SOX30: variants seen among roughly 807,000 people sequenced by gnomAD.
SOX30 encodes transcription factor SOX-30.
A neutral mutation model predicts 58.6 loss-of-function variants in SOX30; 17 were observed. The ratio of observed to expected loss-of-function variants is 0.29; its 90% CI spans 0.20 to 0.44. SOX30 has a LOEUF of 0.44. Ranked by LOEUF, SOX30 falls within the 20% of genes least tolerant of loss-of-function variation. SOX30 has a pLI of 1.00. For missense variants in SOX30, 951 were observed against 965.8 expected (o/e 0.98, Z 0.20); for synonymous variants, 421 against 400.2 (o/e 1.05, Z -0.62).
At position 157,635,025 on chromosome 5, in the gene SOX30, T is replaced by C. The variant is rs1472492070; in HGVS notation, c.1880+3205A>G. ...GAGAGAGAATCAATTAATTTTGGCA[T>C]TTAGGGTTTACTGAAATATACTATC... On this transcript the variant is annotated intron_variant, in intron 4 of 4. Transcript: ENST00000265007. Among the ~76,000 whole-genome samples, 7 of 152,222 alleles carry C rather than the reference T, an allele frequency of 4.6e-5. No individual in the cohort carries two copies. In the South Asian group the frequency reaches 1.2e-3, roughly 27 times the overall value.
At chr5:157,649,915 T>C (rs1759287091) in intron 1 of SOX30, among the ~76,000 whole-genome samples, 1 of 151,928 alleles carries the variant, frequency 6.6e-6, no homozygotes, top group South Asian at 2.1e-4. Flanking sequence ...ATAAAAGTAA[T>C]TTTTTTGAAA....
intron 2 of SOX30, among the ~76,000 whole-genome samples, chr5:157,666,996 A>T (rs775637693): frequency 1.3e-5 from 2 of 152,126 alleles, no homozygotes; most frequent in Non-Finnish European, 2.9e-5. Flanking sequence ...ATGAGCCACC[A>T]TGCCTGGCCA....
At chr5:157,652,505 A>G (rs1452602195), upstream of SOX30, 4 of 489,454 alleles carry the variant, frequency 8.2e-6, no homozygotes, top group Non-Finnish European at 5.3e-6. Context: ...TTGCGTCACA[A>G]GGGGAGCGAC....
intron 4 of SOX30, among the ~76,000 whole-genome samples, chr5:157,629,809 C>T (rs1758745492): frequency 6.6e-6 from 1 of 152,116 alleles, no homozygotes; most frequent in African/African-American, 2.4e-5. Flanking sequence ...AAGTAACTCG[C>T]TCAAAGTGAT....
At chr5:157,627,470 G>A (rs1455486850) in intron 4 of SOX30, among the ~76,000 whole-genome samples, 1 of 152,102 alleles carries the variant, frequency 6.6e-6, no homozygotes, top group Non-Finnish European at 1.5e-5. Context: ...CATGTTGGGG[G>A]GGAAATGTAT....
chr5:157,651,109 T>C lies in SOX30; in HGVS notation c.967+3A>G. 1 of 1,528,582 alleles carries C rather than the reference T, an allele frequency of 6.5e-7. No homozygotes were observed. Among genetic ancestry groups the C allele is most frequent in the Non-Finnish European group, 8.8e-7 (1 of 1,138,480 alleles). 94.7% of individuals were successfully genotyped at this position (1,528,582 alleles called of 1,614,324 possible). A position where few individuals can be genotyped will look rare whatever the true frequency, so the allele number is the denominator to read the frequency against. ...AAAACCCGACTCCCCTGCTGTCTAA[T>C]ACCTGCATCTGAGGGCAACACGGTG... On this transcript the variant is annotated splice_donor_region_variant and intron_variant, in intron 1 of 4. Transcript: ENST00000265007.
intron 2 of SOX30, among the ~76,000 whole-genome samples, chr5:157,664,413 C>A (rs1759631128): frequency 6.6e-6 from 1 of 152,162 alleles, no homozygotes; most frequent in Non-Finnish European, 1.5e-5. Flanking sequence ...GAAACTGGAT[C>A]CCTTCCTTAC....
At chr5:157,666,336 T>C (rs953732316) in intron 2 of SOX30, among the ~76,000 whole-genome samples, 3 of 151,774 alleles carry the variant, frequency 2.0e-5, no homozygotes, top group Non-Finnish European at 4.4e-5. Context: ...AATTTTTGTA[T>C]TTTTGTAGAG....
chr5:157,662,230 T>G (rs1375839647), intron 2 of SOX30, among the ~76,000 whole-genome samples: 1 of 152,132 alleles, frequency 6.6e-6, no homozygotes, highest in Non-Finnish European at 1.5e-5. Flanking sequence ...AATTTCTGTC[T>G]TCTCTCTTTT....
At position 157,651,559 on chromosome 5, in the gene SOX30, C is replaced by G. The variant is rs867870055; in HGVS notation, c.520G>C (p.Ala174Pro). The G allele has an allele frequency of 6.2e-7, 1 of 1,613,176 alleles. No individual in the cohort carries two copies. The highest frequency in any genetic ancestry group is 8.5e-7 in the Non-Finnish European group (1 of 1,180,020). The stretch of plus-strand genomic sequence containing the variant: ...TCGTCCCCTCGGAAGTAGCCGAGGG[C>G]CGGCCCGGGGCCTTCCAACTTGACC... ...RVVKLEGPGPALGYFRGDEKG... is the reference protein window; with the variant it reads ...RVVKLEGPGPPLGYFRGDEKG... Residue 174 changes from alanine (A) to proline (P), a missense_variant, in exon 1 of 5, where the codon GCC (alanine) becomes CCC (proline). Coordinates refer to ENST00000265007, the MANE Select transcript of SOX30 (RefSeq NM_178424.2).
upstream of SOX30, among the ~76,000 whole-genome samples, chr5:157,655,700 C>T (rs1581405271): frequency 6.6e-6 from 1 of 152,148 alleles, no homozygotes; most frequent in South Asian, 2.1e-4. Flanking sequence ...TCTGTGGCTT[C>T]CCTGAACGCC....
At position 157,637,168 on chromosome 5, in the gene SOX30, G is replaced by A. The variant is rs1758951113; in HGVS notation, c.1880+1062C>T. 2.7e-5 allele frequency among the ~76,000 whole-genome samples: 4 copies of A among 150,568 alleles called. 1 individual carries two copies. The highest frequency in any genetic ancestry group is 5.9e-5 in the Non-Finnish European group (4 of 67,822). ...AAAAAAAAAAAAAATGGAAAGCAGA[G>A]GCTAATACCACTCTATCAAAATACT... On this transcript the variant is annotated intron_variant, in intron 4 of 4. Transcript: ENST00000265007.
At chr5:157,649,014 ACTT>A in intron 1 of SOX30, 118 bp from the exon 2 acceptor site, 1 of 1,338,834 alleles carries the variant, frequency 7.5e-7, no homozygotes, top group South Asian at 1.8e-5. Flanking sequence ...GGAAATATAC[ACTT>A]CAATATAACC....
chr5:157,631,337 C>T (rs992640574), intron 4 of SOX30, among the ~76,000 whole-genome samples: 3 of 152,018 alleles, frequency 2.0e-5, no homozygotes, highest in African/African-American at 7.2e-5. Context: ...GCTCCCTGTG[C>T]TGCCATCTCA....
At chr5:157,657,335 T>C (rs562110454), upstream of SOX30, among the ~76,000 whole-genome samples, 5 of 152,308 alleles carry the variant, frequency 3.3e-5, no homozygotes, top group African/African-American at 1.2e-4. Flanking sequence ...TCCTTATCAA[T>C]TGAGACTTTA....
intron 4 of SOX30, among the ~76,000 whole-genome samples, chr5:157,630,151 T>C (rs1435438290): frequency 1.3e-5 from 2 of 152,210 alleles, no homozygotes; most frequent in African/African-American, 4.8e-5. Flanking sequence ...CTTTTTTAAT[T>C]TCTATCTCCT....
At chr5:157,666,478 G>GACACACACAC (rs375835461) in intron 2 of SOX30, among the ~76,000 whole-genome samples, 16 of 132,526 alleles carry the variant, frequency 1.2e-4, no homozygotes, top group East Asian at 2.3e-4. Context: ...TAGTCCAGTA[G>GACACACACAC]ACACACACAC....
In SOX30 at chr5:157,648,826, A is replaced by G. The variant is rs751239460; in HGVS notation, c.1038T>C (p.Val346=). ...GTGCTGGTCGGTGGATCCTTGCCCA[A>G]ACCATAAATGCGTTCATGGGTCGCT... is the stretch of plus-strand genomic sequence containing the variant. The part of the protein sequence containing the change: ...HVKRPMNAFM[V]WARIHRPALA... Residue 346 remains valine, a synonymous_variant, in exon 2 of 5, where the codon GTT becomes GTC. Coordinates refer to ENST00000265007, the MANE Select transcript of SOX30 (RefSeq NM_178424.2). 6.2e-7 allele frequency: 1 copy of G among 1,612,212 alleles called. No homozygotes were observed. The highest frequency in any genetic ancestry group is 1.1e-5 in the South Asian group (1 of 90,884).
At chr5:157,667,951 G>C (rs1372982539) in intron 1 of SOX30, 1 of 1,307,014 alleles carries the variant, frequency 7.7e-7, no homozygotes, top group African/African-American at 1.5e-5. Flanking sequence ...ACACTTGTCA[G>C]GCATCACGCC....
Sources: gnomAD v4.1 joint callset for allele counts (sites outside exome capture counted in the v4.1 genomes callset) on GRCh38, gnomAD v4.1.1 for gene constraint, MANE v1.5 for transcripts, NCBI Gene and HGNC (gene_info 2026-07-23, HGNC 2026-07-21) for gene names.